SNED1: variants seen among roughly 807,000 people sequenced by gnomAD.
SNED1 encodes sushi, nidogen and EGF like domains 1.
SNED1 carries 81 observed loss-of-function variants against 166.7 expected under a neutral mutation model. The ratio of observed to expected loss-of-function variants is 0.49; its 90% confidence interval spans 0.41 to 0.58. The LOEUF is 0.58. SNED1 is among the 20% of genes least tolerant of loss of function. The pLI is 0.00. For missense variants in SNED1, 1,604 were observed against 2,000.2 expected, an observed-to-expected ratio of 0.80 and a Z score of 3.78; for synonymous variants, 762 against 822.0, an observed-to-expected ratio of 0.93 and a Z score of 1.25.
At chr2:241,011,577 C>T (rs865894515) in intron 1 of SNED1, among the ~76,000 whole-genome samples, 2 of 152,246 alleles carry the variant, frequency 1.3e-5, no homozygotes, top group African/African-American at 4.8e-5. Flanking sequence ...CTAATCCTTT[C>T]CCCTTGTTTT....
At chr2:241,063,818 A>C (rs890525046) in intron 18 of SNED1, 118 bp downstream of exon 18, 25 of 686,656 alleles carry the variant, frequency 3.6e-5, no homozygotes, top group Non-Finnish European at 5.6e-5. Context: ...AGGGACCCCC[A>C]GGGCTGCGGC....
At chr2:241,067,712 C>A in intron 21 of SNED1, 52 bp from the exon 22 acceptor site, 1 of 1,509,310 alleles carries the variant, frequency 6.6e-7, no homozygotes, top group East Asian at 2.3e-5. Flanking sequence ...CCCCTGCACT[C>A]CCCCAGGAGC....
intron 2 of SNED1, among the ~76,000 whole-genome samples, chr2:241,033,342 C>A (rs1407425095): frequency 1.3e-5 from 2 of 152,220 alleles, no homozygotes; most frequent in Non-Finnish European, 2.9e-5. Flanking sequence ...CTGTTAAACG[C>A]TGCAGCACGG....
chr2:241,070,865 C>A (rs1303203265), intron 24 of SNED1, among the ~76,000 whole-genome samples: 1 of 152,208 alleles, frequency 6.6e-6, no homozygotes, highest in Non-Finnish European at 1.5e-5. Flanking sequence ...CACGGCGGGA[C>A]AGAGCAGAGC....
At chr2:241,052,634 C>T (rs1303627861) in intron 15 of SNED1, among the ~76,000 whole-genome samples, 166 bp downstream of exon 15, 28 of 102,296 alleles carry the variant, frequency 2.7e-4, no homozygotes, top group African/African-American at 5.1e-4. Context: ...GGTGAGAGGG[C>T]CGGGGGGCCA....
chr2:241,020,416 C>T (rs1224030012), intron 1 of SNED1, among the ~76,000 whole-genome samples: 1 of 152,242 alleles, frequency 6.6e-6, no homozygotes, highest in African/African-American at 2.4e-5. Flanking sequence ...GAACCAGGCC[C>T]AGGCATCGGG....
chr2:241,089,988 G>A, intron 31 of SNED1: 1 of 1,548,740 alleles, frequency 6.5e-7, no homozygotes, highest in South Asian at 1.2e-5. Flanking sequence ...ACCTGGGCAG[G>A]GCGCTTAGCG....
intron 16 of SNED1, among the ~76,000 whole-genome samples, chr2:241,054,372 A>G (rs771155481): frequency 6.6e-6 from 1 of 152,242 alleles, no homozygotes; most frequent in Non-Finnish European, 1.5e-5. Context: ...GTTCAAGACC[A>G]GCAAGGGCAA....
In SNED1 at chr2:241,052,023, C is replaced by T. The variant is rs1439273407; in HGVS notation, c.1853-18C>T. ...GAGGGGCAGTGGGCTGTGACCCTGACCTGGCTTCTGTTTCCAGGGAAGCCA... is the reference window on the plus strand; with the variant it reads ...GAGGGGCAGTGGGCTGTGACCCTGATCTGGCTTCTGTTTCCAGGGAAGCCA... On this transcript the variant is annotated intron_variant, in intron 13 of 31. Transcript: ENST00000310397. The T allele has an allele frequency of 2.5e-6, 4 of 1,608,902 alleles. No individual in the cohort carries two copies. Among genetic ancestry groups the T allele is most frequent in the Admixed American group, 3.3e-5 (2 of 59,894 alleles).
intron 1 of SNED1, among the ~76,000 whole-genome samples, chr2:241,004,866 C>A (rs959226147): frequency 6.6e-6 from 1 of 151,948 alleles, no homozygotes; most frequent in Non-Finnish European, 1.5e-5. Flanking sequence ...GGATTATAGG[C>A]GCCCACGACC....
chr2:241,001,576 G>A (rs1044232338), intron 1 of SNED1, among the ~76,000 whole-genome samples: 6 of 152,234 alleles, frequency 3.9e-5, no homozygotes, highest in Admixed American at 1.3e-4. Context: ...GTGGCGTGCT[G>A]AGGAGTGTGG....
intron 11 of SNED1, among the ~76,000 whole-genome samples, 195 bp downstream of exon 11, chr2:241,049,330 A>G (rs1574984284): frequency 6.6e-6 from 1 of 152,206 alleles, no homozygotes. Flanking sequence ...CAGTGGAGTA[A>G]GCTCACAGGG....
Position 241,087,490 on chromosome 2 carries a change from C to T in SNED1, c.4205+15C>T, listed in dbSNP as rs1227238797. 2 of 1,592,096 alleles carry T rather than the reference C, an allele frequency of 1.3e-6. No homozygotes were observed. Among genetic ancestry groups the T allele is most frequent in the African/African-American group, 1.3e-5 (1 of 74,268 alleles). ...ACCCCAAACAGGTGCCTCTGGGGAG[C>T]AGGCCCATGCCGTGTCCTGCATGTA... On this transcript the variant is annotated intron_variant, in intron 30 of 31. Coordinates refer to ENST00000310397, the MANE Select transcript of SNED1 (RefSeq NM_001080437.3).
At chr2:241,006,838 C>T (rs1404221748) in intron 1 of SNED1, among the ~76,000 whole-genome samples, 2 of 152,090 alleles carry the variant, frequency 1.3e-5, no homozygotes, top group Non-Finnish European at 2.9e-5. Flanking sequence ...ATCCTAGGGT[C>T]GTGGCAAGAG....
intron 1 of SNED1, among the ~76,000 whole-genome samples, chr2:241,025,642 T>C (rs1190818140): frequency 6.6e-6 from 1 of 152,240 alleles, no homozygotes; most frequent in African/African-American, 2.4e-5. Flanking sequence ...GAAGTTGATC[T>C]GTTAGCATCT....
At chr2:241,065,631 C>CCCTG in intron 21 of SNED1, 36 bp downstream of exon 21, 1 of 1,591,392 alleles carries the variant, frequency 6.3e-7, no homozygotes, top group South Asian at 1.1e-5. Context: ...CCTGCCCAGC[C>CCCTG]CCTGCCCCTC....
intron 16 of SNED1, among the ~76,000 whole-genome samples, chr2:241,058,940 ACT>A (rs1366076781): frequency 2.0e-5 from 3 of 151,432 alleles, no homozygotes; most frequent in African/African-American, 7.3e-5. Flanking sequence ...ACACAGCAAG[ACT>A]CTGTTTCAAA....
At chr2:241,072,990 T>G (rs1250034053) in intron 26 of SNED1, 1 of 485,326 alleles carries the variant, frequency 2.1e-6, no homozygotes, top group Non-Finnish European at 3.6e-6. Flanking sequence ...GGATGGGGCC[T>G]CTCAGCATGA....
At chr2:241,082,837 T>C (rs1345110909) in intron 29 of SNED1, among the ~76,000 whole-genome samples, 1 of 152,218 alleles carries the variant, frequency 6.6e-6, no homozygotes, top group Non-Finnish European at 1.5e-5. Flanking sequence ...TCTTAGGTCC[T>C]TTCTTGCTAA....
Sources: gnomAD v4.1 joint callset for allele counts (sites outside exome capture counted in the v4.1 genomes callset) on GRCh38, gnomAD v4.1.1 for gene constraint, MANE v1.5 for transcripts, NCBI Gene and HGNC (gene_info 2026-07-23, HGNC 2026-07-21) for gene names.